Variants in FGF12 observed in about 807,000 individuals in gnomAD.
FGF12 encodes fibroblast growth factor 12.
FGF12 carries 14 observed loss-of-function variants against 23.6 expected under a neutral mutation model. That is an observed-to-expected ratio of 0.59 (90% CI 0.39 to 0.93). The LOEUF (loss-of-function observed/expected upper bound fraction) is 0.93, where lower values mean the gene tolerates loss of function less well. Ranked by LOEUF, FGF12 falls within the 40% of genes least tolerant of loss-of-function variation. The pLI is 0.00. For missense variants in FGF12, 175 were observed against 217.8 expected (o/e 0.80, Z 1.24); for synonymous variants, 62 against 77.3 (o/e 0.80, Z 1.04).
chr3:192,391,396 G>T (rs1174689374), intron 2 of FGF12, among the ~76,000 whole-genome samples: 1 of 152,118 alleles, frequency 6.6e-6, no homozygotes, highest in African/African-American at 2.4e-5. Flanking sequence ...TTTGGTTAAC[G>T]TTAAAAAATA....
intron 2 of FGF12, chr3:192,726,929 C>T: frequency 1.8e-6 from 1 of 546,512 alleles, no homozygotes; most frequent in Non-Finnish European, 3.3e-6. Context: ...ACTCTCCCCA[C>T]CTCCCCCCAA....
Position 192,514,553 on chromosome 3 carries a change from C to T in FGF12, c.14-154015G>A, listed in dbSNP as rs527550865. 5 of 368,758 alleles carry T rather than the reference C, an allele frequency of 1.4e-5. No individual in the cohort carries two copies. The East Asian group carries it at 6.6e-4, about 49-fold the overall frequency. 22.8% of individuals were successfully genotyped at this position (368,758 alleles called of 1,614,324 possible). ...CTCGCCCCAGTCGGGAAACGCCTTC[C>T]CTCCGCCACAGGCAGCGCTGAATGA... On this transcript the variant is annotated intron_variant, in intron 2 of 5. Coordinates refer to ENST00000445105, the MANE Select transcript of FGF12 (RefSeq NM_004113.6). The surrounding 1 kb of genome is among the most constrained non-coding windows in gnomAD (Gnocchi z 4.9).
At chr3:192,405,891 C>A (rs1720938336) in intron 2 of FGF12, among the ~76,000 whole-genome samples, 3 of 152,200 alleles carry the variant, frequency 2.0e-5, no homozygotes, top group African/African-American at 7.2e-5. Flanking sequence ...GCCCATTCTT[C>A]TAAGCTAAGC....
At chr3:192,350,273 G>C (rs968052145) in intron 3 of FGF12, among the ~76,000 whole-genome samples, 3 of 152,022 alleles carry the variant, frequency 2.0e-5, no homozygotes, top group Admixed American at 6.6e-5. Flanking sequence ...AGTTAAATCA[G>C]AAACAGGCTT....
intron 2 of FGF12, among the ~76,000 whole-genome samples, chr3:192,690,646 G>T (rs1717914686): frequency 6.9e-6 from 1 of 145,932 alleles, no homozygotes; most frequent in African/African-American, 2.5e-5. Context: ...AGGAAGGAAG[G>T]ATCTACAAAA....
At chr3:192,401,066 ATTAT>A (rs1720741300) in intron 2 of FGF12, among the ~76,000 whole-genome samples, 3 of 152,260 alleles carry the variant, frequency 2.0e-5, no homozygotes, top group Non-Finnish European at 2.9e-5. Context: ...TTTTCAAATA[ATTAT>A]TTGTTTATTA....
chr3:192,248,366 C>G lies in FGF12; in HGVS notation c.229-77710G>C, dbSNP rs114867734. Among the ~76,000 whole-genome samples the G allele has an allele frequency of 5.2e-3, 790 of 152,278 alleles. 3 individuals are homozygous for G. Among genetic ancestry groups the G allele is most frequent in the African/African-American group, 0.018 (768 of 41,552 alleles). ...TCTCCATGCAGCTGCTTTCACCTAT[C>G]CTGACATCTTCAAGTTATCTGAATT... On this transcript the variant is annotated intron_variant, in intron 4 of 5. Coordinates refer to ENST00000445105, the MANE Select transcript of FGF12 (RefSeq NM_004113.6).
intron 4 of FGF12, among the ~76,000 whole-genome samples, chr3:192,259,024 G>C (rs2108615293): frequency 6.6e-6 from 1 of 151,166 alleles, no homozygotes; most frequent in South Asian, 2.1e-4. Context: ...TCCTAATAGA[G>C]AATATAAAAT....
intron 2 of FGF12, among the ~76,000 whole-genome samples, chr3:192,723,696 A>G (rs965314404): frequency 3.3e-5 from 5 of 151,996 alleles, no homozygotes; most frequent in African/African-American, 1.2e-4. Context: ...CCCAGAACTA[A>G]TTAAACTCAC....
intron 2 of FGF12, among the ~76,000 whole-genome samples, chr3:192,489,069 C>T (rs562781374): frequency 1.3e-5 from 2 of 151,998 alleles, no homozygotes; most frequent in Non-Finnish European, 2.9e-5. Context: ...TGCTTGCCTG[C>T]GCTCTGGTTT....
At position 192,591,593 on chromosome 3, in the gene FGF12, C is replaced by T. The variant is rs751461632; in HGVS notation, c.13+135588G>A. ...TACCTCAACAAGGCCCTACAGTGGG[C>T]TCAGGCTGAAGTCTTCTTTCTCATG... is the stretch of plus-strand genomic sequence containing the variant. On this transcript the variant is annotated intron_variant, in intron 2 of 5. Transcript: ENST00000445105. 5.3e-5 allele frequency among the ~76,000 whole-genome samples: 8 copies of T among 151,824 alleles called. 1 individual carries two copies. Among genetic ancestry groups the T allele is most frequent in the Non-Finnish European group, 8.8e-5 (6 of 67,928 alleles).
At chr3:192,696,584 A>C (rs879672321) in intron 2 of FGF12, among the ~76,000 whole-genome samples, 3 of 152,196 alleles carry the variant, frequency 2.0e-5, no homozygotes, top group Non-Finnish European at 2.9e-5. Context: ...AACAAGAGGC[A>C]CAAAGCTTGG....
intron 4 of FGF12, among the ~76,000 whole-genome samples, chr3:192,333,858 C>A (rs1314292538): frequency 6.6e-6 from 1 of 151,992 alleles, no homozygotes; most frequent in Non-Finnish European, 1.5e-5. Flanking sequence ...AAATGTGGTA[C>A]ACATGGTTAT....
chr3:192,527,337 A>C (rs1260953453), intron 2 of FGF12, among the ~76,000 whole-genome samples: 1 of 152,232 alleles, frequency 6.6e-6, no homozygotes, highest in African/African-American at 2.4e-5. Flanking sequence ...AACTAAGATG[A>C]TGACTAGTTT....
At chr3:192,374,660 T>C (rs1447262014) in intron 2 of FGF12, among the ~76,000 whole-genome samples, 1 of 152,228 alleles carries the variant, frequency 6.6e-6, no homozygotes, top group Non-Finnish European at 1.5e-5. Flanking sequence ...ACTCATTCCA[T>C]CTTTGCATTA....
At chr3:192,225,465 C>G (rs1718684337) in intron 4 of FGF12, among the ~76,000 whole-genome samples, 1 of 152,072 alleles carries the variant, frequency 6.6e-6, no homozygotes, top group Admixed American at 6.6e-5. Context: ...TCCTTATAAG[C>G]CTCCAATGAG....
chr3:192,317,069 A>G (rs1053194588), intron 4 of FGF12, among the ~76,000 whole-genome samples: 1 of 152,084 alleles, frequency 6.6e-6, no homozygotes, highest in African/African-American at 2.4e-5. Flanking sequence ...GAGCCCTTGG[A>G]TTGTGAATAA....
chr3:192,499,290 G>A (rs1037557172), intron 2 of FGF12, among the ~76,000 whole-genome samples: 6 of 151,636 alleles, frequency 4.0e-5, no homozygotes, highest in African/African-American at 4.8e-5. Flanking sequence ...CATGCATTGA[G>A]TGACCAAAAT....
chr3:192,345,766 GACTATAATAAGA>G (rs1717931127), intron 3 of FGF12, among the ~76,000 whole-genome samples: 1 of 151,560 alleles, frequency 6.6e-6, no homozygotes, highest in Non-Finnish European at 1.5e-5. Flanking sequence ...AGGAAAAACA[GACTATAATAAGA>G]AAATGTGAAA....
Sources: gnomAD v4.1 joint callset for allele counts (sites outside exome capture counted in the v4.1 genomes callset) on GRCh38, gnomAD v4.1.1 for gene constraint, Gnocchi (gnomAD v3.1) non-coding constraint, MANE v1.5 for transcripts, NCBI Gene and HGNC (gene_info 2026-07-23, HGNC 2026-07-21) for gene names.